The following RBFOX1 variants were observed in gnomAD, a reference collection of about 807,000 sequenced individuals.
The protein encoded by RBFOX1 is RNA binding fox-1 homolog 1.
In RBFOX1, 8 loss-of-function variants were observed where a neutral mutation model predicts 57.7. The ratio of observed to expected loss-of-function variants is 0.14; its 90% CI spans 0.08 to 0.25. The LOEUF is 0.25. Ranked by LOEUF, RBFOX1 falls within the 10% of genes least tolerant of loss-of-function variation. The pLI is 1.00. For missense variants in RBFOX1, 611 were observed against 548.5 expected, an observed-to-expected ratio of 1.11 and a Z score of -1.14; for synonymous variants, 326 against 222.4, an observed-to-expected ratio of 1.47 and a Z score of -4.15.
chr16:6,714,480 C>T (rs7201790), intron 3 of RBFOX1, among the ~76,000 whole-genome samples: 14,469 of 152,036 alleles, frequency 0.095, 1,006 homozygotes, highest in African/African-American at 0.2. Context: ...AACCAACGTA[C>T]ACACATAGCT....
chr16:5,960,406 C>T (rs888883453), intron 4 of RBFOX1, among the ~76,000 whole-genome samples: 7 of 152,086 alleles, frequency 4.6e-5, no homozygotes, highest in African/African-American at 1.7e-4. Flanking sequence ...TTACCACCAG[C>T]CCCATGCCCC....
intron 3 of RBFOX1, among the ~76,000 whole-genome samples, chr16:6,917,097 T>A (rs910536354): frequency 6.6e-6 from 1 of 152,226 alleles, no homozygotes; most frequent in African/African-American, 2.4e-5. Context: ...GTTATCCACC[T>A]GCCTTGGCCT....
intron 2 of RBFOX1, among the ~76,000 whole-genome samples, chr16:6,527,127 A>G (rs919009140): frequency 3.9e-5 from 6 of 152,236 alleles, no homozygotes; most frequent in African/African-American, 1.2e-4. Context: ...TTATTATTCA[A>G]TATGTTAAAA....
intron 2 of RBFOX1, among the ~76,000 whole-genome samples, chr16:5,534,598 C>A (rs1203805153): frequency 6.6e-6 from 1 of 152,152 alleles, no homozygotes; most frequent in South Asian, 2.1e-4. Context: ...ACTCAGCAAG[C>A]CAGTTTATCC....
intron 1 of RBFOX1, among the ~76,000 whole-genome samples, chr16:5,277,447 A>T (rs1310466126): frequency 7.5e-6 from 1 of 132,478 alleles, no homozygotes; most frequent in Non-Finnish European, 1.6e-5. Context: ...AAACTATTGA[A>T]ATAAAAAAAA....
chr16:6,853,809 T>C (rs1210916497), intron 3 of RBFOX1, among the ~76,000 whole-genome samples: 1 of 152,116 alleles, frequency 6.6e-6, no homozygotes, highest in Non-Finnish European at 1.5e-5. Context: ...AGGGGTAATT[T>C]CCTCCCCAAC....
chr16:7,233,383 G>T (rs573070226), intron 4 of RBFOX1, among the ~76,000 whole-genome samples: 47 of 152,194 alleles, frequency 3.1e-4, no homozygotes, highest in Middle Eastern at 3.4e-3. Flanking sequence ...TCCAAGTCCT[G>T]ATCACCATTT....
chr16:5,245,144 G>A (rs1329929812), intron 1 of RBFOX1, among the ~76,000 whole-genome samples: 1 of 152,206 alleles, frequency 6.6e-6, no homozygotes, highest in Non-Finnish European at 1.5e-5. Flanking sequence ...AGGGGTCCCT[G>A]CCAGGGATGC....
At chr16:6,677,538 G>C (rs1375651030) in intron 3 of RBFOX1, among the ~76,000 whole-genome samples, 1 of 152,102 alleles carries the variant, frequency 6.6e-6, no homozygotes, top group Non-Finnish European at 1.5e-5. Context: ...CAGGGAGCTA[G>C]GATTAAATAA....
intron 4 of RBFOX1, among the ~76,000 whole-genome samples, chr16:7,423,229 G>T (rs1262768605): frequency 6.6e-6 from 1 of 152,096 alleles, no homozygotes; most frequent in Non-Finnish European, 1.5e-5. Context: ...CCAGTTCGTG[G>T]GGTACCTGTA....
At chr16:7,231,796 G>C (rs1384684435) in intron 4 of RBFOX1, among the ~76,000 whole-genome samples, 1 of 152,152 alleles carries the variant, frequency 6.6e-6, no homozygotes, top group Non-Finnish European at 1.5e-5. Context: ...AAAGAACCCA[G>C]AATCAAAAGA....
chr16:5,993,254 A>G (rs1416017816), intron 4 of RBFOX1, among the ~76,000 whole-genome samples: 1 of 152,112 alleles, frequency 6.6e-6, no homozygotes, highest in Non-Finnish European at 1.5e-5. Context: ...ATATAAACCC[A>G]TTAATTTCTC....
intron 3 of RBFOX1, among the ~76,000 whole-genome samples, chr16:6,770,009 C>G (rs1387549985): frequency 1.3e-5 from 2 of 152,076 alleles, no homozygotes; most frequent in Non-Finnish European, 2.9e-5. Flanking sequence ...TTTAAAGGAA[C>G]ACCTCTATTC....
intron 4 of RBFOX1, among the ~76,000 whole-genome samples, chr16:5,880,686 G>A (rs796926504): frequency 6.6e-6 from 1 of 152,160 alleles, no homozygotes; most frequent in Non-Finnish European, 1.5e-5. Context: ...GCAGATCCTA[G>A]ACTGAGGTCC....
At chr16:5,652,195 C>A (rs1339538343) in intron 3 of RBFOX1, among the ~76,000 whole-genome samples, 1 of 152,126 alleles carries the variant, frequency 6.6e-6, no homozygotes, top group Non-Finnish European at 1.5e-5. Context: ...TTAACATATC[C>A]TGAGAGATTA....
intron 4 of RBFOX1, chr16:7,126,286 C>G (rs1297814139): frequency 6.3e-6 from 2 of 316,082 alleles, no homozygotes. Flanking sequence ...TTGAAGGACT[C>G]AGCTCCTTAC....
intron 4 of RBFOX1, among the ~76,000 whole-genome samples, chr16:5,952,545 C>G (rs2059542560): frequency 6.6e-6 from 1 of 152,164 alleles, no homozygotes; most frequent in Non-Finnish European, 1.5e-5. Flanking sequence ...CCTTGGCCTT[C>G]CAAAGTGCTA....
At chr16:5,909,012 G>A (rs1021366882) in intron 4 of RBFOX1, among the ~76,000 whole-genome samples, 1 of 151,198 alleles carries the variant, frequency 6.6e-6, no homozygotes, top group Non-Finnish European at 1.5e-5. Flanking sequence ...CCAGAACTGT[G>A]AGAAATAAAT....
intron 3 of RBFOX1, among the ~76,000 whole-genome samples, chr16:6,893,936 TAG>T (rs370417617): frequency 1.3e-5 from 2 of 152,168 alleles, no homozygotes; most frequent in African/African-American, 4.8e-5. Flanking sequence ...AGAATGAACA[TAG>T]AGAGAACATG....
Sources: gnomAD v4.1 joint callset for allele counts (sites outside exome capture counted in the v4.1 genomes callset) on GRCh38, gnomAD v4.1.1 for gene constraint, MANE v1.5 for transcripts, NCBI Gene and HGNC (gene_info 2026-07-23, HGNC 2026-07-21) for gene names.